Variants in CCDC171 observed in about 807,000 individuals in gnomAD.
CCDC171 encodes coiled-coil domain-containing protein 171.
A neutral mutation model predicts 168.2 loss-of-function variants in CCDC171; 177 were observed. The ratio of observed to expected loss-of-function variants is 1.05; its 90% confidence interval spans 0.93 to 1.19. The LOEUF is 1.19. Among genes scored for constraint, CCDC171 ranks in the 50% most tolerant of loss-of-function variants. CCDC171 has a pLI of 0.00. For missense variants in CCDC171, 1,991 were observed against 1,539.0 expected, an observed-to-expected ratio of 1.29 and a Z score of -4.91; for synonymous variants, 687 against 540.8, an observed-to-expected ratio of 1.27 and a Z score of -3.75.
At chr9:15,749,006 A>G (rs1256637401) in intron 18 of CCDC171, among the ~76,000 whole-genome samples, 1 of 152,214 alleles carries the variant, frequency 6.6e-6, no homozygotes, top group Non-Finnish European at 1.5e-5. Flanking sequence ...GCTCCAGTTG[A>G]AAGATTCAGA....
At chr9:16,069,089 A>G in the CCDC171 span, among the ~76,000 whole-genome samples, 4 of 152,214 alleles carry the variant, frequency 2.6e-5, no homozygotes, top group Non-Finnish European at 5.9e-5. Flanking sequence ...TTCCTGCCCC[A>G]TGTAAGTGAC....
intron 6 of CCDC171, among the ~76,000 whole-genome samples, chr9:15,613,666 G>A (rs1223692318): frequency 2.6e-5 from 4 of 151,910 alleles, no homozygotes; most frequent in Non-Finnish European, 5.9e-5. Flanking sequence ...GGGATTACAG[G>A]CATGCGCCAC....
At chr9:15,934,804 C>T (rs1227960339) in intron 25 of CCDC171, among the ~76,000 whole-genome samples, 1 of 151,944 alleles carries the variant, frequency 6.6e-6, no homozygotes, top group African/African-American at 2.4e-5. Flanking sequence ...AAACCATGGA[C>T]GAATAATAAA....
intron 25 of CCDC171, among the ~76,000 whole-genome samples, chr9:15,938,880 T>G (rs1237514565): frequency 6.6e-6 from 1 of 151,858 alleles, no homozygotes. Flanking sequence ...AAAATATGAA[T>G]TTGTTTGAAA....
rs1388976300 is a variant in CCDC171, at chr9:15,602,343, C to A, written c.675+8171C>A. Among the ~76,000 whole-genome samples the A allele has an allele frequency of 4.8e-5, 7 of 144,800 alleles. No homozygotes were observed. In the East Asian group the frequency reaches 1.3e-3, roughly 28 times the overall value. 95.0% of individuals were successfully genotyped at this position (144,800 alleles called of 152,430 possible). A position where few individuals can be genotyped will look rare whatever the true frequency, so the allele number is the denominator to read the frequency against. On this transcript the variant is annotated intron_variant, in intron 6 of 25. Coordinates refer to ENST00000380701, the MANE Select transcript of CCDC171 (RefSeq NM_173550.4). ...AGGTGTTAGTATCTCATAGTGTTCT[C>A]TTTGTGTAGCTCTCTAAGAGAATTC...
intron 6 of CCDC171, among the ~76,000 whole-genome samples, chr9:15,600,017 C>G (rs965604947): frequency 6.6e-6 from 1 of 152,212 alleles, no homozygotes; most frequent in Admixed American, 6.5e-5. Context: ...TTAAGGACTT[C>G]TCTGCATTGG....
intron 18 of CCDC171, among the ~76,000 whole-genome samples, chr9:15,765,844 A>C (rs879273192): frequency 6.6e-6 from 1 of 152,126 alleles, no homozygotes; most frequent in Admixed American, 6.5e-5. Context: ...AATTGTTGGG[A>C]GAAAATTCTC....
the CCDC171 span, among the ~76,000 whole-genome samples, chr9:16,101,872 G>A: frequency 6.6e-6 from 1 of 152,244 alleles, no homozygotes; most frequent in African/African-American, 2.4e-5. Context: ...CCAAGCCTCG[G>A]ACAAGATGGC....
At chr9:15,778,907 T>C in intron 19 of CCDC171, 61 bp from the exon 20 acceptor site, 1 of 1,154,168 alleles carries the variant, frequency 8.7e-7, no homozygotes, top group Non-Finnish European at 1.2e-6. Context: ...GTAAAATGGT[T>C]ATTGCTATTG....
At chr9:15,810,161 G>A (rs1167592074) in intron 21 of CCDC171, among the ~76,000 whole-genome samples, 1 of 151,882 alleles carries the variant, frequency 6.6e-6, no homozygotes, top group South Asian at 2.1e-4. Flanking sequence ...CAATCCTCTA[G>A]CTAGACACAA....
chr9:15,895,011 T>G (rs1051032237), intron 24 of CCDC171, among the ~76,000 whole-genome samples: 1 of 152,078 alleles, frequency 6.6e-6, no homozygotes, highest in Non-Finnish European at 1.5e-5. Context: ...TGTGGCCTTT[T>G]TGAGAGGCAG....
At chr9:15,610,793 A>T (rs2043626836) in intron 6 of CCDC171, among the ~76,000 whole-genome samples, 1 of 152,042 alleles carries the variant, frequency 6.6e-6, no homozygotes, top group Non-Finnish European at 1.5e-5. Flanking sequence ...TCCTGGACTC[A>T]AGTGGTCATC....
chr9:15,738,051 A>G (rs1202871059), intron 16 of CCDC171, among the ~76,000 whole-genome samples: 3 of 152,234 alleles, frequency 2.0e-5, no homozygotes, highest in Non-Finnish European at 2.9e-5. Flanking sequence ...TATGAAACTT[A>G]TAAAAATAAG....
At position 15,877,429 on chromosome 9, in the gene CCDC171, C is replaced by CT. The variant is rs201830432; in HGVS notation, c.3600+2775dup. Among the ~76,000 whole-genome samples, 700 of 151,444 alleles carry CT rather than the reference C, an allele frequency of 4.6e-3. 5 individuals are homozygous for CT. The highest frequency in any genetic ancestry group is 0.016 in the African/African-American group (660 of 41,304). Reference sequence around the variant, plus strand: ...ATTTTGAGGAATCGTTATTTAAGATCTTTTTTTTTCTGTATCTTTCCATTT... The same window carrying CT: ...ATTTTGAGGAATCGTTATTTAAGATCTTTTTTTTTTCTGTATCTTTCCATTT... On this transcript the variant is annotated intron_variant, in intron 24 of 25. Coordinates refer to ENST00000380701, the MANE Select transcript of CCDC171 (RefSeq NM_173550.4).
chr9:15,727,892 C>G lies in CCDC171; in HGVS notation c.1716C>G (p.Thr572=). 3.1e-6 allele frequency: 5 copies of G among 1,611,498 alleles called. No individual in the cohort carries two copies. The highest frequency in any genetic ancestry group is 4.2e-6 in the Non-Finnish European group (5 of 1,178,816). The change falls in exon 15 of 26, where the codon ACC becomes ACG. Residue 572 remains threonine (T), a synonymous_variant. Coordinates refer to ENST00000380701, the MANE Select transcript of CCDC171 (RefSeq NM_173550.4). Reference sequence around the variant, plus strand: ...AGGAGAAGCTAACCTTCCTTCACACCTTATATCAGCACTTGGTAGCAGGCT... The same window carrying G: ...AGGAGAAGCTAACCTTCCTTCACACGTTATATCAGCACTTGGTAGCAGGCT... ...DAEEKLTFLH[T]LYQHLVAGCV... is the part of the protein sequence containing the mutation.
At chr9:15,871,476 T>C (rs1304277884) in intron 23 of CCDC171, among the ~76,000 whole-genome samples, 1 of 123,542 alleles carries the variant, frequency 8.1e-6, no homozygotes, top group Non-Finnish European at 1.9e-5. Flanking sequence ...CTTTTCCTTT[T>C]AGGAAAAAAA....
intron 16 of CCDC171, among the ~76,000 whole-genome samples, chr9:15,735,988 C>A (rs2054469517): frequency 6.6e-6 from 1 of 152,022 alleles, no homozygotes; most frequent in South Asian, 2.1e-4. Flanking sequence ...TTGTATGTCT[C>A]TCCTTATGTA....
At chr9:15,866,848 G>A (rs2131086540) in intron 23 of CCDC171, among the ~76,000 whole-genome samples, 1 of 152,042 alleles carries the variant, frequency 6.6e-6, no homozygotes, top group South Asian at 2.1e-4. Flanking sequence ...TTATATTCTT[G>A]GCATCTATCA....
At chr9:15,768,322 T>C (rs2056842307) in intron 18 of CCDC171, among the ~76,000 whole-genome samples, 2 of 152,198 alleles carry the variant, frequency 1.3e-5, no homozygotes, top group African/African-American at 4.8e-5. Context: ...AATAGAAACC[T>C]AGCAGTCACT....
Sources: allele counts gnomAD v4.1 joint callset (sites outside exome capture counted in the v4.1 genomes callset), GRCh38; gene constraint gnomAD v4.1.1; transcripts MANE v1.5; gene names NCBI Gene and HGNC (gene_info 2026-07-23, HGNC 2026-07-21).